Variants in MAP4K3 observed in about 807,000 individuals in gnomAD.
MAP4K3 encodes mitogen-activated protein kinase kinase kinase kinase 3.
Under a neutral mutation model 143.5 loss-of-function variants are expected in MAP4K3, and 94 were observed. That is an observed-to-expected ratio of 0.65 (90% CI 0.55 to 0.78). The LOEUF (loss-of-function observed/expected upper bound fraction) is 0.78. Among genes scored for constraint, MAP4K3 ranks in the 30% least tolerant of loss-of-function variants. The probability of loss-of-function intolerance (pLI) is 0.00; values close to 1 mark genes in which losing one functional copy is unlikely to be tolerated. For missense variants in MAP4K3, 1,077 were observed against 1,068.1 expected (o/e 1.01, Z -0.12); for synonymous variants, 416 against 347.2 (o/e 1.20, Z -2.20).
At chr2:39,301,380 A>T (rs1682503660) in intron 15 of MAP4K3, among the ~76,000 whole-genome samples, 1 of 152,362 alleles carries the variant, frequency 6.6e-6, no homozygotes, top group South Asian at 2.1e-4. Context: ...TGTTATTACA[A>T]AACTGCACAG....
At chr2:39,418,341 A>G (rs1232016456) in intron 1 of MAP4K3, among the ~76,000 whole-genome samples, 1 of 152,244 alleles carries the variant, frequency 6.6e-6, no homozygotes, top group Non-Finnish European at 1.5e-5. Flanking sequence ...CCAAAGTATA[A>G]AATAAATATC....
chr2:39,304,704 A>G (rs1259870197), intron 15 of MAP4K3, among the ~76,000 whole-genome samples: 4 of 152,198 alleles, frequency 2.6e-5, no homozygotes, highest in African/African-American at 9.6e-5. Context: ...GTCCATTTCT[A>G]GTTACATATC....
rs369784865 is a variant in MAP4K3 at position 39,288,333 on chromosome 2, GAAGT to G, written c.1315-57_1315-54del. ...CAATGAAACATCAAATTATTTTCCT[GAAGT>G]AAGTACTATTATACATTAAAAGCTT... On this transcript the variant is annotated intron_variant, in intron 19 of 33. Transcript: ENST00000263881. 4.6e-4 allele frequency: 689 copies of G among 1,509,986 alleles called. 6 individuals carry two copies. The African/African-American group carries it at 8.5e-3, about 19-fold the overall frequency. The allele number at this position is 1,509,986 out of a possible 1,614,324, so 93.5% of individuals were successfully genotyped here.
At chr2:39,418,655 G>C (rs1667459907) in intron 1 of MAP4K3, among the ~76,000 whole-genome samples, 1 of 151,852 alleles carries the variant, frequency 6.6e-6, no homozygotes, top group South Asian at 2.1e-4. Context: ...AGTTAATATT[G>C]CCAGTGATAA....
At position 39,292,816 on chromosome 2, in the gene MAP4K3, C is replaced by T. The variant is rs148167737; in HGVS notation, c.1228G>A (p.Ala410Thr). 1,006 of 1,611,866 alleles carry T rather than the reference C, an allele frequency of 6.2e-4. 2 individuals carry two copies. The highest frequency in any genetic ancestry group is 1.9e-3 in the East Asian group (84 of 44,826). Residue 410 changes from alanine to threonine, a missense_variant, in exon 18 of 34, where the codon GCA becomes ACA. Physicochemically the swap from Ala to Thr is moderately conservative, Grantham distance 58. Coordinates refer to ENST00000263881, the MANE Select transcript of MAP4K3 (RefSeq NM_003618.4). ...TCTCCTTCATCATCTTCTAAATGTG[C>T]GACGTGTCCTCTAAATAAAAAGGAT... is the stretch of plus-strand genomic sequence containing the variant. ...EEELHQRGHV[A>T]HLEDDEGDDD...
At chr2:39,251,784 T>C (rs1680162229) in intron 33 of MAP4K3, 46 bp downstream of exon 33, 1 of 1,470,304 alleles carries the variant, frequency 6.8e-7, no homozygotes, top group South Asian at 1.2e-5. Context: ...GCTGGATCTA[T>C]AAAACACGTT....
At chr2:39,336,380 G>C (rs186144591) in intron 6 of MAP4K3, among the ~76,000 whole-genome samples, 182 of 148,702 alleles carry the variant, frequency 1.2e-3, no homozygotes, top group African/African-American at 3.9e-3. Flanking sequence ...GGCTGAGGCA[G>C]GGGAATCACT....
chr2:39,345,594 G>A (rs1385785619), intron 3 of MAP4K3, among the ~76,000 whole-genome samples: 1 of 152,072 alleles, frequency 6.6e-6, no homozygotes, highest in East Asian at 1.9e-4. Context: ...AGAGTATGAA[G>A]TAGCAAGGTA....
At chr2:39,280,554 G>A (rs556971041) in intron 22 of MAP4K3, among the ~76,000 whole-genome samples, 198 bp from the exon 23 acceptor site, 6 of 151,704 alleles carry the variant, frequency 4.0e-5, no homozygotes, top group Non-Finnish European at 7.4e-5. Context: ...GTTTCCAGGT[G>A]CCACAATAAT....
At chr2:39,284,271 C>A (rs1014251424) in intron 21 of MAP4K3, among the ~76,000 whole-genome samples, 2 of 152,028 alleles carry the variant, frequency 1.3e-5, no homozygotes, top group African/African-American at 4.8e-5. Flanking sequence ...AAGTGATTCT[C>A]GTGCCTCAGC....
intron 28 of MAP4K3, 125 bp downstream of exon 28, chr2:39,265,078 C>G: frequency 1.4e-6 from 1 of 710,996 alleles, no homozygotes; most frequent in Non-Finnish European, 2.4e-6. Context: ...TTTTTACAAC[C>G]CTGCCACATT....
chr2:39,311,536 G>A (rs906935927), intron 13 of MAP4K3, among the ~76,000 whole-genome samples: 8 of 152,220 alleles, frequency 5.3e-5, no homozygotes, highest in Admixed American at 2.0e-4. Context: ...CAAAAGACCA[G>A]AGCAGAAGTT....
chr2:39,376,283 G>C (rs1039963515), intron 2 of MAP4K3, among the ~76,000 whole-genome samples: 1 of 152,160 alleles, frequency 6.6e-6, no homozygotes, highest in Admixed American at 6.5e-5. Flanking sequence ...AAAATAACTG[G>C]TGGCGGGGGG....
At chr2:39,335,766 C>T (rs1664929797) in intron 6 of MAP4K3, among the ~76,000 whole-genome samples, 1 of 151,982 alleles carries the variant, frequency 6.6e-6, no homozygotes, top group Admixed American at 6.6e-5. Context: ...AAGTGGATCA[C>T]AAAAAAATAC....
chr2:39,292,038 TAA>T (rs562147179), intron 18 of MAP4K3, among the ~76,000 whole-genome samples: 1 of 143,680 alleles, frequency 7.0e-6, no homozygotes. Context: ...GCATCTTTAT[TAA>T]AAAAAAAAAA....
At chr2:39,397,012 G>A (rs572207246) in intron 1 of MAP4K3, among the ~76,000 whole-genome samples, 1 of 152,224 alleles carries the variant, frequency 6.6e-6, no homozygotes, top group East Asian at 1.9e-4. Flanking sequence ...ATACCAATAA[G>A]TGGCTGGATT....
intron 1 of MAP4K3, among the ~76,000 whole-genome samples, chr2:39,399,292 T>C (rs1268123411): frequency 1.3e-5 from 2 of 152,226 alleles, no homozygotes; most frequent in African/African-American, 4.8e-5. Flanking sequence ...CAGTGAATAC[T>C]TCAGATGACA....
intron 32 of MAP4K3, among the ~76,000 whole-genome samples, chr2:39,254,214 T>C (rs1455897713): frequency 6.6e-6 from 1 of 152,222 alleles, no homozygotes; most frequent in Non-Finnish European, 1.5e-5. Flanking sequence ...GTTCTTGTTC[T>C]AAATTTCAGA....
At chr2:39,337,460 TA>T in intron 5 of MAP4K3, 65 bp downstream of exon 5, 1 of 1,145,094 alleles carries the variant, frequency 8.7e-7, no homozygotes, top group Non-Finnish European at 1.3e-6. Context: ...GCTGAACAGG[TA>T]ATGCACAGTA....
Sources: gnomAD v4.1 joint callset for allele counts (sites outside exome capture counted in the v4.1 genomes callset) on GRCh38, gnomAD v4.1.1 for gene constraint, MANE v1.5 for transcripts, NCBI Gene and HGNC (gene_info 2026-07-23, HGNC 2026-07-21) for gene names.